The following RIC1 variants were observed in gnomAD, a reference collection of about 807,000 sequenced individuals.
RIC1 encodes guanine nucleotide exchange factor subunit RIC1.
In RIC1, 88 loss-of-function variants were observed where a neutral mutation model predicts 169.0. The observed-to-expected ratio is 0.52, with a 90% CI of 0.44 to 0.62. The LOEUF (loss-of-function observed/expected upper bound fraction) is 0.62, where lower values mean the gene tolerates loss of function less well. Ranked by LOEUF, RIC1 falls within the 20% of genes least tolerant of loss-of-function variation. The pLI, the probability that RIC1 is intolerant of heterozygous loss-of-function variation, is 0.00. For missense variants in RIC1, 1,877 were observed against 1,725.5 expected (o/e 1.09, Z -1.56); for synonymous variants, 790 against 601.5 (o/e 1.31, Z -4.59).
At chr9:5,661,150 G>T (rs906064241) in intron 2 of RIC1, among the ~76,000 whole-genome samples, 1 of 152,006 alleles carries the variant, frequency 6.6e-6, no homozygotes, top group East Asian at 1.9e-4. Context: ...GTGTAGGTGG[G>T]TGTTCTTGTT....
At chr9:5,714,939 C>G (rs1823143152) in intron 4 of RIC1, among the ~76,000 whole-genome samples, 1 of 152,076 alleles carries the variant, frequency 6.6e-6, no homozygotes, top group African/African-American at 2.4e-5. Context: ...ACTCACAGTT[C>G]TAAGTAAAGG....
chr9:5,645,081 A>C (rs1818436891), intron 1 of RIC1, among the ~76,000 whole-genome samples: 1 of 152,010 alleles, frequency 6.6e-6, no homozygotes, highest in Admixed American at 6.5e-5. Context: ...TTATCTATTC[A>C]AATCCTTTGT....
At chr9:5,696,795 A>G (rs772279336) in intron 3 of RIC1, among the ~76,000 whole-genome samples, 2 of 152,186 alleles carry the variant, frequency 1.3e-5, no homozygotes, top group Non-Finnish European at 2.9e-5. Context: ...ACTGTATTAC[A>G]TTATCCATTG....
At chr9:5,644,860 A>C (rs996616672) in intron 1 of RIC1, among the ~76,000 whole-genome samples, 3 of 151,892 alleles carry the variant, frequency 2.0e-5, no homozygotes, top group African/African-American at 7.2e-5. Context: ...TGACTGTAGC[A>C]TTTTACAACC....
intron 15 of RIC1, among the ~76,000 whole-genome samples, chr9:5,755,348 A>T (rs1825942891): frequency 6.6e-6 from 1 of 152,226 alleles, no homozygotes; most frequent in Non-Finnish European, 1.5e-5. Context: ...AACCCTATAT[A>T]GCACTATCTT....
At chr9:5,718,919 A>T (rs1823428112) in intron 4 of RIC1, 2 of 152,334 alleles carry the variant, frequency 1.3e-5, no homozygotes, top group Admixed American at 6.5e-5. Context: ...TGAGTAATTG[A>T]AGTCAACTTT....
intron 1 of RIC1, among the ~76,000 whole-genome samples, chr9:5,634,313 A>C (rs1281976461): frequency 6.6e-6 from 1 of 152,216 alleles, no homozygotes; most frequent in Non-Finnish European, 1.5e-5. Context: ...TCTGTTTTCC[A>C]TCATGACTGT....
intron 17 of RIC1, among the ~76,000 whole-genome samples, chr9:5,758,809 A>G (rs1224878923): frequency 6.9e-6 from 1 of 144,898 alleles, no homozygotes; most frequent in Non-Finnish European, 1.5e-5. Context: ...CAGTGGTGCA[A>G]TCTTGGCTCA....
Position 5,757,388 on chromosome 9 carries a change from G to C in RIC1, c.1929G>C (p.Val643=). 1 of 1,613,974 alleles carries C rather than the reference G, an allele frequency of 6.2e-7. No homozygotes were observed. Among genetic ancestry groups the C allele is most frequent in the African/African-American group, 1.3e-5 (1 of 75,012 alleles). ...GCTACATTCCTCACCCTTTCCTGGT[G>C]GTATCTGTCACTCTGACATCAGTGA... ...MSRYIPHPFL[V]VSVTLTSVST... The change falls in exon 17 of 26, where the codon GTG becomes GTC. Residue 643 remains valine (V), a synonymous_variant. Coordinates refer to ENST00000414202, the MANE Select transcript of RIC1 (RefSeq NM_020829.4).
chr9:5,668,198 C>G (rs1400951468), intron 2 of RIC1, among the ~76,000 whole-genome samples: 1 of 151,980 alleles, frequency 6.6e-6, no homozygotes, highest in African/African-American at 2.4e-5. Flanking sequence ...AGGGTACCAC[C>G]TCTGTGATTC....
chr9:5,724,733 C>T (rs1209911370), intron 6 of RIC1, among the ~76,000 whole-genome samples: 3 of 152,178 alleles, frequency 2.0e-5, no homozygotes, highest in Admixed American at 2.0e-4. Flanking sequence ...TACGTCCCAT[C>T]AATACCTAGT....
rs145338024 is a variant in RIC1, at chr9:5,657,144, A to T, written c.252+454A>T. Among the ~76,000 whole-genome samples the T allele has an allele frequency of 2.2e-3, 338 of 152,258 alleles. 2 individuals carry two copies. The highest frequency in any genetic ancestry group is 7.6e-3 in the African/African-American group (317 of 41,562). On this transcript the variant is annotated intron_variant, in intron 2 of 25. Coordinates refer to ENST00000414202, the MANE Select transcript of RIC1 (RefSeq NM_020829.4). ...GTTTTTTAAAACATATTCACATGAT[A>T]TTCTTGAATTTATATTTAAATTCCT...
chr9:5,767,015 G>T (rs551097732), intron 21 of RIC1, among the ~76,000 whole-genome samples: 2 of 152,278 alleles, frequency 1.3e-5, no homozygotes, highest in East Asian at 3.9e-4. Context: ...ACTGTTTTTT[G>T]ATTATGGTCA....
At chr9:5,718,356 A>C (rs1301625785) in intron 4 of RIC1, among the ~76,000 whole-genome samples, 1 of 152,164 alleles carries the variant, frequency 6.6e-6, no homozygotes, top group Non-Finnish European at 1.5e-5. Context: ...TGTGATAGCC[A>C]TGAAGTCTTT....
At chr9:5,717,195 G>A (rs1823298022) in intron 4 of RIC1, among the ~76,000 whole-genome samples, 1 of 152,074 alleles carries the variant, frequency 6.6e-6, no homozygotes, top group South Asian at 2.1e-4. Context: ...TTTGTTTGTT[G>A]CAGCATCACT....
chr9:5,739,636 G>C (rs1824943129), intron 8 of RIC1, among the ~76,000 whole-genome samples: 1 of 152,190 alleles, frequency 6.6e-6, no homozygotes, highest in South Asian at 2.1e-4. Context: ...GACTGCCTCA[G>C]GGGAGGGCAT....
intron 7 of RIC1, among the ~76,000 whole-genome samples, chr9:5,736,921 T>C (rs889945643): frequency 1.3e-5 from 2 of 151,296 alleles, no homozygotes; most frequent in African/African-American, 4.9e-5. Flanking sequence ...TGAGAAGAGG[T>C]AGGACCTGGA....
intron 6 of RIC1, among the ~76,000 whole-genome samples, 171 bp from the exon 7 acceptor site, chr9:5,732,217 T>C (rs1257628580): frequency 6.6e-6 from 1 of 152,192 alleles, no homozygotes; most frequent in Non-Finnish European, 1.5e-5. Context: ...GGAGACTATT[T>C]GGTAGTATTT....
At chr9:5,656,776 C>A in intron 2 of RIC1, 86 bp downstream of exon 2, 1 of 774,432 alleles carries the variant, frequency 1.3e-6, no homozygotes, top group Admixed American at 2.2e-5. Context: ...GACTTTCTTT[C>A]AGTCTTTTGC....
Sources: gnomAD v4.1 joint callset for allele counts (sites outside exome capture counted in the v4.1 genomes callset) on GRCh38, gnomAD v4.1.1 for gene constraint, MANE v1.5 for transcripts, NCBI Gene and HGNC (gene_info 2026-07-23, HGNC 2026-07-21) for gene names.